The following CDH18 variants were observed in gnomAD, a reference collection of about 807,000 sequenced individuals.
CDH18 encodes cadherin 18, also known as cadherin-18.
Under a neutral mutation model 67.9 loss-of-function variants are expected in CDH18, and 31 were observed. The observed-to-expected ratio is 0.46, with a 90% CI of 0.34 to 0.62. The LOEUF is 0.62. Among genes scored for constraint, CDH18 ranks in the 20% least tolerant of loss-of-function variants. The pLI is 0.01. For missense variants in CDH18, 890 were observed against 975.5 expected, an observed-to-expected ratio of 0.91 and a Z score of 1.17; for synonymous variants, 362 against 347.2, an observed-to-expected ratio of 1.04 and a Z score of -0.48.
intron 3 of CDH18, among the ~76,000 whole-genome samples, chr5:19,785,648 C>G (rs1462115349): frequency 2.3e-4 from 6 of 26,118 alleles, no homozygotes; most frequent in Non-Finnish European, 1.5e-4. Context: ...GAGCAAAACT[C>G]TGTCTCAAAA....
intron 2 of CDH18, among the ~76,000 whole-genome samples, chr5:20,240,575 A>G (rs868057910): frequency 1.3e-5 from 2 of 152,220 alleles, no homozygotes; most frequent in South Asian, 4.1e-4. Flanking sequence ...CAAGTATGCA[A>G]TAATATTTGA....
intron 3 of CDH18, among the ~76,000 whole-genome samples, chr5:19,835,490 G>C (rs1413048779): frequency 2.0e-5 from 3 of 151,188 alleles, no homozygotes; most frequent in Non-Finnish European, 4.4e-5. Context: ...TATTTTTTTA[G>C]AAGAAATAAA....
chr5:19,863,509 G>C (rs1046340579), intron 2 of CDH18, among the ~76,000 whole-genome samples: 3 of 152,128 alleles, frequency 2.0e-5, no homozygotes, highest in African/African-American at 7.2e-5. Context: ...AATTCCCCAT[G>C]GTGCTGACAC....
rs760777430 is a variant in CDH18 at position 19,994,855 on chromosome 5, T to TATATATATAGAGAGAGAGAGAG, written c.-517-2842_-517-2841insCTCTCTCTCTCTCTATATATAT. Among the ~76,000 whole-genome samples the TATATATATAGAGAGAGAGAGAG allele has an allele frequency of 2.4e-4, 16 of 67,584 alleles. 3 individuals are homozygous for TATATATATAGAGAGAGAGAGAG. Among genetic ancestry groups the TATATATATAGAGAGAGAGAGAG allele is most frequent in the African/African-American group, 9.6e-4 (13 of 13,598 alleles). The allele number at this position is 67,584 out of a possible 152,430, so 44.3% of individuals were successfully genotyped here. A position where few individuals can be genotyped will look rare whatever the true frequency, so the allele number is the denominator to read the frequency against. On this transcript the variant is annotated intron_variant, in intron 2 of 14. Coordinates refer to the CDH18 transcript ENST00000507958. Reference sequence around the variant, plus strand: ...ATATATATATATATATATATATATATAGAGAGAGAGAGAGAGAGAGAGATG... The same window carrying TATATATATAGAGAGAGAGAGAG: ...ATATATATATATATATATATATATATATATATATAGAGAGAGAGAGAGAGAGAGAGAGAGAGAGAGAGAGATG...
intron 2 of CDH18, among the ~76,000 whole-genome samples, chr5:20,098,889 T>A (rs1030571958): frequency 4.6e-5 from 7 of 152,180 alleles, no homozygotes; most frequent in Non-Finnish European, 1.0e-4. Flanking sequence ...ACGAATTAAG[T>A]TAGTCAGCAT....
chr5:19,832,746 G>A (rs1024754570), intron 3 of CDH18, among the ~76,000 whole-genome samples: 1 of 152,090 alleles, frequency 6.6e-6, no homozygotes, highest in African/African-American at 2.4e-5. Flanking sequence ...TCCTGCATAT[G>A]TCTGGCCAGT....
At chr5:20,424,205 T>C (rs1748095253) in intron 1 of CDH18, among the ~76,000 whole-genome samples, 1 of 150,780 alleles carries the variant, frequency 6.6e-6, no homozygotes, top group Non-Finnish European at 1.5e-5. Context: ...AAGTATCCTC[T>C]GCTAAGACAA....
chr5:19,971,779 T>C (rs1798043088), intron 2 of CDH18, among the ~76,000 whole-genome samples: 1 of 151,582 alleles, frequency 6.6e-6, no homozygotes, highest in Non-Finnish European at 1.5e-5. Flanking sequence ...AAATAATTGG[T>C]ACAACAAACC....
At position 20,437,841 on chromosome 5, in the gene CDH18, T is replaced by C. The variant is rs1749289879; in HGVS notation, c.-580+137621A>G. 2.0e-5 allele frequency among the ~76,000 whole-genome samples: 3 copies of C among 151,338 alleles called. No homozygotes were observed. In the South Asian group the frequency reaches 6.2e-4, roughly 31 times the overall value. The stretch of plus-strand genomic sequence containing the variant: ...ATTACTTGAAAATAAAAGTAATATG[T>C]ATTAGAAAAATCCTGTGTGTATAAT... On this transcript the variant is annotated intron_variant, in intron 1 of 14. Transcript: ENST00000507958.
chr5:20,009,809 G>A (rs1156501023), intron 2 of CDH18, among the ~76,000 whole-genome samples: 3 of 152,004 alleles, frequency 2.0e-5, no homozygotes, highest in Admixed American at 6.6e-5. Context: ...TGCCAATAAT[G>A]CCAGTATTTG....
intron 5 of CDH18, among the ~76,000 whole-genome samples, chr5:19,671,775 A>T (rs2150352536): frequency 6.6e-6 from 1 of 152,232 alleles, no homozygotes; most frequent in Non-Finnish European, 1.5e-5. Context: ...CAATGGAGAA[A>T]CCTAATTTTG....
At chr5:19,513,758 T>G (rs2126847629) in intron 10 of CDH18, among the ~76,000 whole-genome samples, 1 of 152,274 alleles carries the variant, frequency 6.6e-6, no homozygotes, top group East Asian at 1.9e-4. Context: ...CTTATTTACA[T>G]TATCATTTCA....
intron 8 of CDH18, among the ~76,000 whole-genome samples, chr5:19,563,307 A>T (rs2149895388): frequency 6.6e-6 from 1 of 152,334 alleles, no homozygotes. Flanking sequence ...AAGTTAGTTA[A>T]TTTTTTGAAC....
intron 9 of CDH18, among the ~76,000 whole-genome samples, chr5:19,527,261 T>C (rs2126951580): frequency 6.6e-6 from 1 of 151,858 alleles, no homozygotes; most frequent in South Asian, 2.1e-4. Context: ...TTGTAAAATC[T>C]TGTATATGAA....
At chr5:19,778,727 G>C (rs1320472455) in intron 3 of CDH18, among the ~76,000 whole-genome samples, 1 of 152,056 alleles carries the variant, frequency 6.6e-6, no homozygotes, top group Non-Finnish European at 1.5e-5. Flanking sequence ...AAAATACAGT[G>C]GACACCACAA....
At chr5:20,474,232 C>T (rs936947669) in intron 1 of CDH18, among the ~76,000 whole-genome samples, 25 of 152,154 alleles carry the variant, frequency 1.6e-4, no homozygotes, top group African/African-American at 6.0e-4. Flanking sequence ...GCCGAGATCC[C>T]GCCACTGCAC....
At chr5:19,840,288 GA>G (rs70954608) in intron 2 of CDH18, among the ~76,000 whole-genome samples, 69,569 of 127,576 alleles carry the variant, frequency 0.55, 18,419 homozygotes, top group African/African-American at 0.62. Context: ...AAAAAAAAAA[GA>G]AAAAAAAAAA....
intron 1 of CDH18, among the ~76,000 whole-genome samples, chr5:20,324,366 C>T (rs774362084): frequency 3.3e-5 from 5 of 152,102 alleles, no homozygotes; most frequent in South Asian, 2.1e-4. Flanking sequence ...GGTGAAACCC[C>T]GTCTCTATTA....
intron 1 of CDH18, among the ~76,000 whole-genome samples, chr5:20,530,522 A>G (rs1269135352): frequency 6.6e-6 from 1 of 152,114 alleles, no homozygotes; most frequent in Non-Finnish European, 1.5e-5. Flanking sequence ...ACAGCATGGT[A>G]CTGGTACAAA....
Sources: allele counts gnomAD v4.1 joint callset (sites outside exome capture counted in the v4.1 genomes callset), GRCh38; gene constraint gnomAD v4.1.1; transcripts MANE v1.5; gene names NCBI Gene and HGNC (gene_info 2026-07-23, HGNC 2026-07-21).